SNRNP200: variants seen among roughly 807,000 people sequenced by gnomAD.
SNRNP200 encodes the protein U5 small nuclear ribonucleoprotein 200 kDa helicase.
SNRNP200 carries 66 observed loss-of-function variants against 255.2 expected under a neutral mutation model. The ratio of observed to expected loss-of-function variants is 0.26; its 90% CI spans 0.21 to 0.32. SNRNP200 has a LOEUF of 0.32. Among genes scored for constraint, SNRNP200 ranks in the 10% least tolerant of loss-of-function variants. The pLI is 1.00. For synonymous variants in SNRNP200, 939 were observed against 1,027.8 expected (o/e 0.91, Z 1.65); for missense variants, 1,585 against 2,749.8 (o/e 0.58, Z 9.47).
chr2:96,304,442 G>A (rs1481159103), intron 2 of SNRNP200, among the ~76,000 whole-genome samples: 1 of 152,144 alleles, frequency 6.6e-6, no homozygotes, highest in Non-Finnish European at 1.5e-5. Flanking sequence ...CAAGGGTCTT[G>A]AAAATACCCT....
intron 5 of SNRNP200, 51 bp downstream of exon 5, chr2:96,300,947 A>T (rs751530153): frequency 1.1e-5 from 16 of 1,497,248 alleles, no homozygotes; most frequent in Non-Finnish European, 1.4e-5. Flanking sequence ...GGGTCCCTTT[A>T]CCTTAATCAA....
Position 96,295,630 on chromosome 2 carries a change from G to A in SNRNP200, c.1700C>T (p.Ala567Val). Reference sequence around the variant, plus strand: ...CAGCTGGTGGTCCCCAGTCAGTTCAGCAACAGTGATGCCATAAGTGGCCAG... The same window carrying A: ...CAGCTGGTGGTCCCCAGTCAGTTCAACAACAGTGATGCCATAAGTGGCCAG... ...KRLATYGITV[A>V]ELTGDHQLCK... Residue 567 changes from alanine (A) to valine (V), a missense_variant, in exon 14 of 45, where the codon GCT becomes GTT. Ala to Val is a moderately conservative substitution (Grantham distance 64, BLOSUM62 0). Transcript: ENST00000323853. The A allele has an allele frequency of 6.2e-7, 1 of 1,613,904 alleles. No homozygotes were observed. Among genetic ancestry groups the A allele is most frequent in the Non-Finnish European group, 8.5e-7 (1 of 1,180,006 alleles).
chr2:96,298,246 G>C lies in SNRNP200; in HGVS notation c.1119+38C>G, dbSNP rs1454533534. ...TGCTGCAATCTTCTAGCCACCGTTA[G>C]CTCAGAAATCAGACAGATAAACCAA... On this transcript the variant is annotated intron_variant, in intron 9 of 44. Transcript: ENST00000323853. 4 of 1,613,790 alleles carry C rather than the reference G, an allele frequency of 2.5e-6. No individual in the cohort carries two copies. The African/African-American group carries it at 5.3e-5, about 22-fold the overall frequency.
At chr2:96,301,167 G>A (rs989905333) in intron 4 of SNRNP200, 114 bp from the exon 5 acceptor site, 8 of 866,380 alleles carry the variant, frequency 9.2e-6, no homozygotes, top group Admixed American at 1.9e-5. Flanking sequence ...AAGTGCTAAG[G>A]ACACATACAG....
intron 43 of SNRNP200, among the ~76,000 whole-genome samples, chr2:96,275,611 T>G (rs922323293): frequency 1.3e-5 from 2 of 152,228 alleles, no homozygotes; most frequent in Non-Finnish European, 2.9e-5. Context: ...TACCTGCCAC[T>G]AAGTCCAAGG....
chr2:96,302,458 T>C (rs1033856635), intron 3 of SNRNP200, among the ~76,000 whole-genome samples: 4 of 152,200 alleles, frequency 2.6e-5, no homozygotes, highest in African/African-American at 4.8e-5. Context: ...AACTTGTTTT[T>C]TTCTATACTC....
intron 1 of SNRNP200, among the ~76,000 whole-genome samples, chr2:96,305,173 G>C (rs899665180): frequency 2.0e-5 from 3 of 152,110 alleles, no homozygotes; most frequent in Non-Finnish European, 2.9e-5. Context: ...AGGGCTTAGC[G>C]TTGAAGGTAC....
At chr2:96,297,179 C>A (rs1435632760) in intron 11 of SNRNP200, 109 bp from the exon 12 acceptor site, 1 of 1,552,850 alleles carries the variant, frequency 6.4e-7, no homozygotes, top group Non-Finnish European at 8.8e-7. Context: ...GCATAACTTT[C>A]CATTAAAGGT....
At chr2:96,288,630 C>A in intron 24 of SNRNP200, 33 bp downstream of exon 24, 1 of 1,586,632 alleles carries the variant, frequency 6.3e-7, no homozygotes. Context: ...GTTCAGGCCC[C>A]TTCTCACAGC....
Position 96,278,854 on chromosome 2 carries a change from G to C in SNRNP200, c.5278C>G (p.Leu1760Val). ...DAVDYLTWTF[L>V]YRRMTQNPNY... ...GGGTTCTGTGTCATGCGGCGGTACA[G>C]AAAGGTCCAGGTGAGGTAGTCCACA... The change falls in exon 37 of 45, where the codon CTG (leucine) becomes GTG (valine). Residue 1760 changes from leucine to valine, a missense_variant. Physicochemically the swap from Leu to Val is conservative, Grantham distance 32. This residue lies in a region of SNRNP200 where 279 missense variants were observed against 551.2 expected (regional missense o/e 0.51). Transcript: ENST00000323853. This position sits in a 1 kb window ranked among gnomAD's most constrained non-coding sequence, Gnocchi z 6.9. 6.2e-7 allele frequency: 1 copy of C among 1,614,204 alleles called. No homozygotes were observed. The highest frequency in any genetic ancestry group is 8.5e-7 in the Non-Finnish European group (1 of 1,180,046).
intron 30 of SNRNP200, 84 bp downstream of exon 30, chr2:96,285,096 A>G: frequency 4.6e-6 from 7 of 1,529,628 alleles, no homozygotes; most frequent in Non-Finnish European, 6.3e-6. Context: ...GACCCTGCAA[A>G]TTTCAGGGCT....
In SNRNP200 at chr2:96,303,239, T is replaced by A; in HGVS notation, c.301A>T (p.Ile101Phe). The change falls in exon 3 of 45, where the codon ATC becomes TTC. Residue 101 changes from isoleucine to phenylalanine, a missense_variant. Physicochemically the swap from Ile to Phe is conservative, Grantham distance 21 (BLOSUM62 0). Coordinates refer to ENST00000323853, the MANE Select transcript of SNRNP200 (RefSeq NM_014014.5). ...SEGIDEMVGIIYKPKTKETRE... is the reference protein window; with the variant it reads ...SEGIDEMVGIFYKPKTKETRE... ...GTCTCTTTAGTTTTGGGCTTGTAGATGATGCCCACCATCTCATCAATGCCC... is the reference window on the plus strand; with the variant it reads ...GTCTCTTTAGTTTTGGGCTTGTAGAAGATGCCCACCATCTCATCAATGCCC... 6.2e-7 allele frequency: 1 copy of A among 1,614,236 alleles called. No homozygotes were observed. Among genetic ancestry groups the A allele is most frequent in the Non-Finnish European group, 8.5e-7 (1 of 1,180,030 alleles).
intron 34 of SNRNP200, chr2:96,282,945 T>C (rs2063812801): frequency 7.0e-6 from 4 of 568,520 alleles, no homozygotes; most frequent in South Asian, 5.8e-5. Context: ...TCCTGGACTC[T>C]AGAAAACCAG....
At chr2:96,285,125 A>G in intron 30 of SNRNP200, 55 bp downstream of exon 30, 2 of 1,593,604 alleles carry the variant, frequency 1.3e-6, no homozygotes, top group African/African-American at 1.3e-5. Flanking sequence ...CTTCATACGG[A>G]ATCACAGATG....
At position 96,283,472 on chromosome 2, in the gene SNRNP200, C is replaced by T; in HGVS notation, c.4763+63G>A. On this transcript the variant is annotated intron_variant, in intron 33 of 44. Coordinates refer to ENST00000323853, the MANE Select transcript of SNRNP200 (RefSeq NM_014014.5). This position sits in a 1 kb window ranked among gnomAD's most constrained non-coding sequence, Gnocchi z 4.7. ...TAACCCCACCCTCATAAAGAGGACA[C>T]CCTTGGAGTAGGCCAGCCTCACTTA... 6.2e-7 allele frequency: 1 copy of T among 1,613,016 alleles called. No individual in the cohort carries two copies. The highest frequency in any genetic ancestry group is 8.5e-7 in the Non-Finnish European group (1 of 1,179,268).
chr2:96,288,538 G>A, intron 24 of SNRNP200, 125 bp downstream of exon 24: 2 of 822,732 alleles, frequency 2.4e-6, no homozygotes, highest in Non-Finnish European at 4.2e-6. Context: ...TACCCGGCAA[G>A]AGCAGAACTA....
chr2:96,282,477 A>G (rs1461939370), intron 34 of SNRNP200: 15 of 177,220 alleles, frequency 8.5e-5, no homozygotes, highest in Admixed American at 8.1e-4. Context: ...GCTAATCTCT[A>G]AAGTCTAACT....
chr2:96,304,996 A>C, intron 1 of SNRNP200, 128 bp from the exon 2 acceptor site: 1 of 1,103,098 alleles, frequency 9.1e-7, no homozygotes, highest in East Asian at 2.6e-5. Context: ...TAATAAAAAT[A>C]TATTTTCCTT....
Position 96,290,207 on chromosome 2 carries a change from G to C in SNRNP200, c.2742+119C>G. 1 of 1,166,438 alleles carries C rather than the reference G, an allele frequency of 8.6e-7. No individual in the cohort carries two copies. The highest frequency in any genetic ancestry group is 1.3e-6 in the Non-Finnish European group (1 of 774,120). The allele number at this position is 1,166,438 out of a possible 1,614,324, so 72.3% of individuals were successfully genotyped here. The stretch of plus-strand genomic sequence containing the variant: ...AACTATCTGCCAGACCCAAGATGTG[G>C]GTGCAGGGATGGAAGGCCTCGGACG... On this transcript the variant is annotated intron_variant, in intron 20 of 44. Transcript: ENST00000323853. The surrounding 1 kb of genome is among the most constrained non-coding windows in gnomAD (Gnocchi z 4.5).
Sources: gnomAD v4.1 joint callset for allele counts (sites outside exome capture counted in the v4.1 genomes callset) on GRCh38, gnomAD v4.1.1 for gene constraint, gnomAD v4.1.1 regional missense constraint, Gnocchi (gnomAD v3.1) non-coding constraint, MANE v1.5 for transcripts, NCBI Gene and HGNC (gene_info 2026-07-23, HGNC 2026-07-21) for gene names.